The following USP4 variants were observed in gnomAD, a reference collection of about 807,000 sequenced individuals.
USP4 encodes the protein ubiquitin carboxyl-terminal hydrolase 4.
Under a neutral mutation model 118.2 loss-of-function variants are expected in USP4, and 72 were observed. That is an observed-to-expected ratio of 0.61 (90% CI 0.50 to 0.74). The LOEUF (loss-of-function observed/expected upper bound fraction) is 0.74. Among genes scored for constraint, USP4 ranks in the 30% least tolerant of loss-of-function variants. The pLI is 0.00. For synonymous variants in USP4, 415 were observed against 440.4 expected (o/e 0.94, Z 0.72); for missense variants, 1,037 against 1,185.7 (o/e 0.87, Z 1.84).
chr3:49,326,059 G>A (rs2047551179), intron 3 of USP4, among the ~76,000 whole-genome samples: 1 of 152,194 alleles, frequency 6.6e-6, no homozygotes, highest in African/African-American at 2.4e-5. Context: ...GCTCACGCTT[G>A]TAATCTCAAC....
chr3:49,316,554 A>C (rs892893095), intron 6 of USP4, among the ~76,000 whole-genome samples: 1 of 152,160 alleles, frequency 6.6e-6, no homozygotes, highest in African/African-American at 2.4e-5. Flanking sequence ...CCTGGCCTCA[A>C]GTGATCTGCC....
At position 49,277,488 on chromosome 3, in the gene USP4, G is replaced by A. The variant is rs185530444; in HGVS notation, c.*805C>T. On this transcript the variant is annotated 3_prime_UTR_variant, in exon 22 of 22. Transcript: ENST00000265560. ...TCGCCATGAACTGGAGCCCTTTCCC[G>A]GCTAACTCCCACAAAGATTTCTGTT... 7 of 209,128 alleles carry A rather than the reference G, an allele frequency of 3.3e-5. No homozygotes were observed. The East Asian group carries it at 8.1e-4, about 24-fold the overall frequency. 13.0% of individuals were successfully genotyped at this position (209,128 alleles called of 1,614,324 possible).
chr3:49,325,629 G>T, intron 4 of USP4, 90 bp downstream of exon 4: 3 of 1,536,148 alleles, frequency 2.0e-6, no homozygotes, highest in East Asian at 4.6e-5. Context: ...TCTAAAGAGG[G>T]CATATAAAAT....
At chr3:49,294,701 A>G in intron 13 of USP4, 103 bp from the exon 14 acceptor site, 1 of 1,137,664 alleles carries the variant, frequency 8.8e-7, no homozygotes, top group South Asian at 1.5e-5. Context: ...TTACTGGGAC[A>G]GAGCATATTT....
chr3:49,318,599 A>G (rs1343768993), intron 6 of USP4: 4 of 985,202 alleles, frequency 4.1e-6, no homozygotes, highest in Non-Finnish European at 4.8e-6. Context: ...CTCATTAGTG[A>G]AAAAAAGACA....
In USP4 at chr3:49,311,721, A is replaced by G. The variant is rs192818835; in HGVS notation, c.696-67T>C. 7 of 1,575,202 alleles carry G rather than the reference A, an allele frequency of 4.4e-6. No individual in the cohort carries two copies. In the Admixed American group the frequency reaches 7.4e-5, roughly 17 times the overall value. On this transcript the variant is annotated intron_variant, in intron 6 of 21. Transcript: ENST00000265560. Reference sequence around the variant, plus strand: ...AAGAGCAAGCCCTATTTAATGCCTTAGGTTGCTTCTCAAGGAATAAATATT... The same window carrying G: ...AAGAGCAAGCCCTATTTAATGCCTTGGGTTGCTTCTCAAGGAATAAATATT...
chr3:49,327,584 A>C, intron 3 of USP4, 102 bp downstream of exon 3: 57 of 1,310,182 alleles, frequency 4.4e-5, no homozygotes, highest in Non-Finnish European at 5.8e-5. Context: ...ACCACTATTC[A>C]ACCACTGAGG....
At chr3:49,324,813 C>T in intron 5 of USP4, 50 bp from the exon 6 acceptor site, 1 of 1,613,328 alleles carries the variant, frequency 6.2e-7, no homozygotes, top group Non-Finnish European at 8.5e-7. Context: ...ACCGCACTTC[C>T]AACATGCTTA....
intron 1 of USP4, among the ~76,000 whole-genome samples, chr3:49,336,892 T>C (rs2047674013): frequency 6.6e-6 from 1 of 152,162 alleles, no homozygotes; most frequent in Non-Finnish European, 1.5e-5. Flanking sequence ...TACACTGTTT[T>C]GCTTGACATG....
intron 8 of USP4, among the ~76,000 whole-genome samples, chr3:49,309,943 C>CTTTTTTTTTGTTTTTTTTTTTTTTT (rs2047366112): frequency 2.5e-5 from 1 of 40,236 alleles, no homozygotes; most frequent in Non-Finnish European, 4.0e-5. Context: ...TTTTTTTAAT[C>CTTTTTTTTTGTTTTTTTTTTTTTTT]TTTTTTTTTT....
At position 49,335,470 on chromosome 3, in the gene USP4, T is replaced by C. The variant is rs747805023; in HGVS notation, c.228A>G (p.Ser76=). Residue 76 remains serine, a splice_region_variant and synonymous_variant, in exon 2 of 22, where the codon TCA becomes TCG. Transcript: ENST00000265560. ...PGPIDNSGLF[S]DPESQTLKEH... is the part of the protein sequence containing the mutation. ...CTAGAAAAGCAACATTTACTATACC[T>C]GAAAATAGCCCAGAGTTGTCTATTG... 6.2e-7 allele frequency: 1 copy of C among 1,614,174 alleles called. No individual in the cohort carries two copies.
chr3:49,278,135 C>A lies in USP4; in HGVS notation c.*158G>T. The A allele has an allele frequency of 5.1e-6, 4 of 779,338 alleles. No homozygotes were observed. The highest frequency in any genetic ancestry group is 5.4e-6 in the Non-Finnish European group (3 of 552,140). The allele number at this position is 779,338 out of a possible 1,614,324, so 48.3% of individuals were successfully genotyped here. ...CTTGACATAGCTTCTTCTAGGTAAACGGTCTTCTTTTTTTTTTTTTGTTTC... is the reference window on the plus strand; with the variant it reads ...CTTGACATAGCTTCTTCTAGGTAAAAGGTCTTCTTTTTTTTTTTTTGTTTC... On this transcript the variant is annotated 3_prime_UTR_variant, in exon 22 of 22. Transcript: ENST00000265560.
intron 15 of USP4, among the ~76,000 whole-genome samples, chr3:49,291,651 T>G (rs1389119250): frequency 6.6e-6 from 1 of 151,628 alleles, no homozygotes; most frequent in Non-Finnish European, 1.5e-5. Flanking sequence ...TATATGGTTT[T>G]ACAGAAAGCC....
chr3:49,332,283 C>A (rs1031550640), intron 2 of USP4, among the ~76,000 whole-genome samples: 2 of 151,646 alleles, frequency 1.3e-5, no homozygotes, highest in Admixed American at 1.3e-4. Context: ...TCTTACAAAA[C>A]AAACAAACAA....
intron 8 of USP4, among the ~76,000 whole-genome samples, chr3:49,306,211 T>C (rs1376147701): frequency 8.0e-6 from 1 of 125,296 alleles, no homozygotes; most frequent in African/African-American, 4.3e-5. Context: ...TTTTTTTTTG[T>C]TTTTTTTTTT....
Position 49,280,837 on chromosome 3 carries a change from T to C in USP4, c.2551A>G (p.Met851Val). The C allele has an allele frequency of 6.2e-7, 1 of 1,614,126 alleles. No homozygotes were observed. Among genetic ancestry groups the C allele is most frequent in the Non-Finnish European group, 8.5e-7 (1 of 1,179,992 alleles). ...GACAGGTTACAGACAAACTCGGACA[T>C]GTTCAGCCCTCTGAGCACAAAACAC... ...VVEFPIRGLN[M>V]SEFVCNLSAR... Residue 851 changes from methionine to valine, a missense_variant, in exon 20 of 22, where the codon ATG (methionine) becomes GTG (valine). Around this residue, in one of 3 missense-constraint regions of USP4, gnomAD observed 522 missense variants for 592.6 expected, o/e 0.88. Transcript: ENST00000265560.
intron 2 of USP4, 129 bp downstream of exon 2, chr3:49,335,340 T>C (rs576687052): frequency 1.5e-6 from 2 of 1,313,468 alleles, no homozygotes; most frequent in Non-Finnish European, 2.1e-6. Flanking sequence ...CTGCTATAGA[T>C]GCAAAATGAG....
chr3:49,285,769 G>A lies in USP4; in HGVS notation c.2200+329C>T, dbSNP rs75528039. ...GTATTAATGAACAAAATAAATATGC[G>A]CTTATTCTTATAAGTGAGCAAGTAT... On this transcript the variant is annotated intron_variant, in intron 16 of 21. Transcript: ENST00000265560. Among the ~76,000 whole-genome samples the A allele has an allele frequency of 1.5e-4, 23 of 152,258 alleles. No homozygotes were observed. The East Asian group carries it at 2.5e-3, about 17-fold the overall frequency.
chr3:49,295,735 C>CACACACACACA (rs765943049), intron 13 of USP4, among the ~76,000 whole-genome samples: 1 of 136,362 alleles, frequency 7.3e-6, no homozygotes, highest in African/African-American at 3.5e-5. Flanking sequence ...CACACACACA[C>CACACACACACA]CCCCCCCTCC....
Sources: gnomAD v4.1 joint callset for allele counts (sites outside exome capture counted in the v4.1 genomes callset) on GRCh38, gnomAD v4.1.1 for gene constraint, gnomAD v4.1.1 regional missense constraint, MANE v1.5 for transcripts, NCBI Gene and HGNC (gene_info 2026-07-23, HGNC 2026-07-21) for gene names.